The following THSD7B variants were observed in gnomAD, a reference collection of about 807,000 sequenced individuals.
THSD7B encodes the protein thrombospondin type-1 domain-containing protein 7B.
In THSD7B, 138 loss-of-function variants were observed where a neutral mutation model predicts 213.6. That is an observed-to-expected ratio of 0.65 (90% CI 0.56 to 0.74). The LOEUF is 0.74. Ranked by LOEUF, THSD7B falls within the 30% of genes least tolerant of loss-of-function variation. THSD7B has a pLI of 0.00. For missense variants in THSD7B, 1,931 were observed against 1,991.5 expected (o/e 0.97, Z 0.58); for synonymous variants, 742 against 687.0 (o/e 1.08, Z -1.25).
chr2:136,892,173 G>T (rs569676512), intron 2 of THSD7B, among the ~76,000 whole-genome samples: 7 of 152,106 alleles, frequency 4.6e-5, no homozygotes, highest in Admixed American at 1.3e-4. Context: ...TAACTAGCCT[G>T]AGGGCCATGC....
intron 7 of THSD7B, among the ~76,000 whole-genome samples, chr2:137,221,787 T>TA (rs1681376760): frequency 6.6e-6 from 1 of 152,214 alleles, no homozygotes; most frequent in Non-Finnish European, 1.5e-5. Flanking sequence ...GATAAATGAT[T>TA]ATTCTTTAGT....
intron 7 of THSD7B, among the ~76,000 whole-genome samples, chr2:137,219,840 A>T (rs1681327587): frequency 6.6e-6 from 1 of 152,130 alleles, no homozygotes; most frequent in African/African-American, 2.4e-5. Flanking sequence ...TACTAAATGG[A>T]TACTAAATAA....
rs1018028583 is a variant in THSD7B at position 137,659,849 on chromosome 2, G to A, written c.4458+103G>A. On this transcript the variant is annotated intron_variant, in intron 25 of 27. Coordinates refer to ENST00000409968, the MANE Select transcript of THSD7B (RefSeq NM_001316349.2). ...GCTGCAGCCCAAGCAGCAGTTCCAC[G>A]TGCCCATGATACCATCTAGAGGCAT... The A allele has an allele frequency of 4.5e-5, 49 of 1,100,368 alleles. 1 individual carries two copies. The African/African-American group carries it at 6.4e-4, about 14-fold the overall frequency. 68.2% of individuals were successfully genotyped at this position (1,100,368 alleles called of 1,614,324 possible).
intron 17 of THSD7B, among the ~76,000 whole-genome samples, chr2:137,596,131 A>T (rs1036314538): frequency 6.6e-6 from 1 of 152,008 alleles, no homozygotes; most frequent in Non-Finnish European, 1.5e-5. Context: ...AAAGTCATAC[A>T]TCTTGCAAGC....
At chr2:137,063,498 T>C (rs1687317881) in intron 3 of THSD7B, among the ~76,000 whole-genome samples, 1 of 152,102 alleles carries the variant, frequency 6.6e-6, no homozygotes. Context: ...GGAGTATTTA[T>C]CACCTCAAGC....
chr2:137,474,438 G>A (rs987431996), intron 15 of THSD7B, among the ~76,000 whole-genome samples: 19 of 151,944 alleles, frequency 1.3e-4, no homozygotes, highest in Admixed American at 3.3e-4. Flanking sequence ...TATCCCCAGC[G>A]TCCCAATATG....
At chr2:136,967,887 C>T (rs1318040274) in intron 2 of THSD7B, among the ~76,000 whole-genome samples, 1 of 152,094 alleles carries the variant, frequency 6.6e-6, no homozygotes, top group Non-Finnish European at 1.5e-5. Flanking sequence ...ATGGATCTTC[C>T]GTGATTTGCT....
rs796464167 is a variant in THSD7B, at chr2:137,557,326, A to T, written c.3139-5895A>T. On this transcript the variant is annotated intron_variant, in intron 15 of 27. Coordinates refer to ENST00000409968, the MANE Select transcript of THSD7B (RefSeq NM_001316349.2). The stretch of plus-strand genomic sequence containing the variant: ...TCCTCAGCAAATGTAAAAGAACAGA[A>T]ATTATAACAAACTGTCTCTCAGACC... Among the ~76,000 whole-genome samples the T allele has an allele frequency of 7.9e-5, 12 of 152,304 alleles. No individual in the cohort carries two copies. The South Asian group carries it at 2.3e-3, about 29-fold the overall frequency.
chr2:137,125,555 T>G (rs1397788167), intron 5 of THSD7B, among the ~76,000 whole-genome samples: 2 of 152,216 alleles, frequency 1.3e-5, no homozygotes, highest in African/African-American at 4.8e-5. Flanking sequence ...CTTATTCCAC[T>G]GAAATCTTGA....
intron 9 of THSD7B, among the ~76,000 whole-genome samples, chr2:137,234,314 C>A (rs1478922519): frequency 6.6e-6 from 1 of 152,276 alleles, no homozygotes; most frequent in Non-Finnish European, 1.5e-5. Flanking sequence ...AATGGAAACA[C>A]TGAAAAATTT....
chr2:137,506,776 C>T (rs1206508553), intron 15 of THSD7B, among the ~76,000 whole-genome samples: 1 of 152,152 alleles, frequency 6.6e-6, no homozygotes, highest in Non-Finnish European at 1.5e-5. Context: ...GCTCTCGTAG[C>T]CTGGGAATGT....
chr2:136,884,914 A>C (rs1313004267), intron 2 of THSD7B, among the ~76,000 whole-genome samples: 1 of 152,180 alleles, frequency 6.6e-6, no homozygotes, highest in African/African-American at 2.4e-5. Context: ...AAAGGTAAGC[A>C]ATAATAAATT....
At chr2:136,862,276 T>C (rs1169777900) in intron 1 of THSD7B, among the ~76,000 whole-genome samples, 6 of 152,170 alleles carry the variant, frequency 3.9e-5, no homozygotes, top group African/African-American at 1.4e-4. Context: ...TTGCAAAGTA[T>C]AGTAATTTCT....
intron 17 of THSD7B, among the ~76,000 whole-genome samples, chr2:137,595,168 A>C (rs1227742948): frequency 6.6e-6 from 1 of 152,010 alleles, no homozygotes; most frequent in Non-Finnish European, 1.5e-5. Context: ...TTATCACTCT[A>C]GCATATGTTA....
chr2:137,632,267 G>A (rs1044871597), intron 20 of THSD7B, among the ~76,000 whole-genome samples: 1 of 152,138 alleles, frequency 6.6e-6, no homozygotes, highest in African/African-American at 2.4e-5. Context: ...GAACACAAAA[G>A]GCAGTGAAAT....
At chr2:137,322,856 A>G (rs1430544217) in intron 12 of THSD7B, among the ~76,000 whole-genome samples, 3 of 152,198 alleles carry the variant, frequency 2.0e-5, no homozygotes, top group Non-Finnish European at 4.4e-5. Flanking sequence ...TGATAGGTAC[A>G]GAAACCTAGT....
At chr2:137,055,625 G>A (rs1445145246) in intron 2 of THSD7B, among the ~76,000 whole-genome samples, 2 of 152,124 alleles carry the variant, frequency 1.3e-5, no homozygotes, top group African/African-American at 2.4e-5. Flanking sequence ...CTACACAAAT[G>A]AATTAGTTAA....
chr2:137,071,416 C>T (rs1687486174), intron 3 of THSD7B, among the ~76,000 whole-genome samples: 2 of 151,972 alleles, frequency 1.3e-5, no homozygotes. Context: ...TTGTTTTTTT[C>T]TTGTAAATTT....
chr2:137,246,419 C>T (rs564554831), intron 10 of THSD7B, among the ~76,000 whole-genome samples: 9 of 152,268 alleles, frequency 5.9e-5, no homozygotes, highest in African/African-American at 1.9e-4. Context: ...TCTCAAACCA[C>T]GTTCATTCTA....
Sources: gnomAD v4.1 joint callset for allele counts (sites outside exome capture counted in the v4.1 genomes callset) on GRCh38, gnomAD v4.1.1 for gene constraint, MANE v1.5 for transcripts, NCBI Gene and HGNC (gene_info 2026-07-23, HGNC 2026-07-21) for gene names.